The following MEGF10 variants were observed in gnomAD, a reference collection of about 807,000 sequenced individuals.
The protein encoded by MEGF10 is multiple EGF like domains 10.
A neutral mutation model predicts 147.5 loss-of-function variants in MEGF10; 86 were observed. That is an observed-to-expected ratio of 0.58 (90% CI 0.49 to 0.70). The LOEUF is 0.70. MEGF10 is among the 30% of genes least tolerant of loss of function. The pLI, the probability that MEGF10 is intolerant of heterozygous loss-of-function variation, is 0.00. For synonymous variants in MEGF10, 478 were observed against 525.5 expected, an observed-to-expected ratio of 0.91 and a Z score of 1.24; for missense variants, 1,329 against 1,487.3, an observed-to-expected ratio of 0.89 and a Z score of 1.75.
Position 127,373,313 on chromosome 5 carries a change from G to A in MEGF10, c.412+3311G>A, listed in dbSNP as rs556981498. 2.8e-4 allele frequency among the ~76,000 whole-genome samples: 43 copies of A among 152,124 alleles called. No homozygotes were observed. The South Asian group carries it at 7.1e-3, about 25-fold the overall frequency. On this transcript the variant is annotated intron_variant, in intron 5 of 24. Transcript: ENST00000503335. ...CTTACAGGCATGTGCCACCACACCT[G>A]GCTAATTTTTGTATTTTTAGCAGAG...
chr5:127,329,029 TA>T (rs1761149289), intron 1 of MEGF10, among the ~76,000 whole-genome samples: 1 of 152,204 alleles, frequency 6.6e-6, no homozygotes, highest in Non-Finnish European at 1.5e-5. Flanking sequence ...ATAATTCACA[TA>T]AATGGCTCAG....
chr5:127,410,742 G>A lies in MEGF10; in HGVS notation c.1130+141G>A, dbSNP rs3851469. 133,102 of 707,654 alleles carry A rather than the reference G, an allele frequency of 0.19. 13,588 individuals carry two copies. Among genetic ancestry groups the A allele is most frequent in the African/African-American group, 0.33 (18,371 of 56,186 alleles). 43.8% of individuals were successfully genotyped at this position (707,654 alleles called of 1,614,324 possible). On this transcript the variant is annotated intron_variant, in intron 9 of 24. Coordinates refer to ENST00000503335, the MANE Select transcript of MEGF10 (RefSeq NM_001256545.2). ...TAGGCTACTCTGGGCAGGAATCGCCGAGTAAAAGGAAGACATTTTAACTTA... is the reference window on the plus strand; with the variant it reads ...TAGGCTACTCTGGGCAGGAATCGCCAAGTAAAAGGAAGACATTTTAACTTA...
intron 4 of MEGF10, among the ~76,000 whole-genome samples, chr5:127,345,802 T>C (rs796983289): frequency 2.0e-5 from 3 of 152,254 alleles, no homozygotes; most frequent in African/African-American, 7.2e-5. Flanking sequence ...ATCAACCGAG[T>C]AATGTACACT....
chr5:127,440,161 C>T (rs1455288386), intron 17 of MEGF10, among the ~76,000 whole-genome samples: 1 of 152,172 alleles, frequency 6.6e-6, no homozygotes, highest in Non-Finnish European at 1.5e-5. Context: ...GAAAATCATG[C>T]AGCAGTGTGA....
At chr5:127,247,216 A>G in the MEGF10 span, among the ~76,000 whole-genome samples, 1 of 143,856 alleles carries the variant, frequency 7.0e-6, no homozygotes, top group Non-Finnish European at 1.5e-5. Context: ...AAATGAGACC[A>G]TTAGAGGAGA....
At chr5:127,312,524 T>C (rs1432838947) in intron 1 of MEGF10, among the ~76,000 whole-genome samples, 1 of 152,212 alleles carries the variant, frequency 6.6e-6, no homozygotes, top group Non-Finnish European at 1.5e-5. Context: ...GAGTTTTGAA[T>C]TGGGCATACT....
At chr5:127,329,689 A>G (rs537806805) in intron 1 of MEGF10, among the ~76,000 whole-genome samples, 1 of 152,084 alleles carries the variant, frequency 6.6e-6, no homozygotes, top group East Asian at 1.9e-4. Flanking sequence ...TGCTTTGCTC[A>G]AATAATCTGG....
At chr5:127,247,317 A>AGAGAG in the MEGF10 span, among the ~76,000 whole-genome samples, 2 of 103,090 alleles carry the variant, frequency 1.9e-5, no homozygotes, top group South Asian at 3.2e-4. Context: ...AGAGAAAGAG[A>AGAGAG]GAGAAGAAGA....
At chr5:127,297,441 A>G (rs543448339) in intron 1 of MEGF10, among the ~76,000 whole-genome samples, 2 of 149,472 alleles carry the variant, frequency 1.3e-5, no homozygotes, top group African/African-American at 4.9e-5. Flanking sequence ...CTCAACAATT[A>G]AAAAAAAAAC....
chr5:127,412,826 G>C (rs1380400645), intron 9 of MEGF10, among the ~76,000 whole-genome samples: 3 of 152,170 alleles, frequency 2.0e-5, no homozygotes, highest in African/African-American at 7.2e-5. Context: ...GTGTTCAGCT[G>C]GCAGATCAAC....
At chr5:127,283,850 C>T in the MEGF10 span, among the ~76,000 whole-genome samples, 1,299 of 152,186 alleles carry the variant, frequency 8.5e-3, 17 homozygotes, top group African/African-American at 0.029. Context: ...AGAATTTGTT[C>T]ATAATGAAAA....
chr5:127,434,544 C>G (rs929041235), intron 14 of MEGF10, 143 bp from the exon 15 acceptor site: 1 of 899,008 alleles, frequency 1.1e-6, no homozygotes, highest in Admixed American at 3.5e-5. Flanking sequence ...TTCTTGTTTT[C>G]TACTTGGAAA....
chr5:127,340,972 G>A (rs984316525), intron 4 of MEGF10, among the ~76,000 whole-genome samples: 1 of 152,142 alleles, frequency 6.6e-6, no homozygotes, highest in African/African-American at 2.4e-5. Context: ...AGAGAACAGA[G>A]ACCTAACTTT....
chr5:127,350,243 T>C (rs1762039516), intron 4 of MEGF10, among the ~76,000 whole-genome samples: 1 of 152,120 alleles, frequency 6.6e-6, no homozygotes, highest in Admixed American at 6.5e-5. Flanking sequence ...ATCAGCAATC[T>C]CTAGACACTT....
In MEGF10 at chr5:127,398,815, T is replaced by TCCTCTG; in HGVS notation, c.780+22_780+27dup. 6.2e-7 allele frequency: 1 copy of TCCTCTG among 1,613,026 alleles called. No individual in the cohort carries two copies. The highest frequency in any genetic ancestry group is 1.1e-5 in the South Asian group (1 of 91,012). On this transcript the variant is annotated intron_variant, in intron 7 of 24. Transcript: ENST00000503335. ...CTGGATGGTAAGCTTCCTTCCCACC[T>TCCTCTG]CCTCTGCCCCTGCCCCAAAGTCACC...
intron 6 of MEGF10, among the ~76,000 whole-genome samples, 164 bp downstream of exon 6, chr5:127,396,942 C>T (rs1763939613): frequency 1.3e-5 from 2 of 152,216 alleles, no homozygotes; most frequent in Non-Finnish European, 2.9e-5. Flanking sequence ...GTGATGGCCA[C>T]TAGGTGCTGC....
chr5:127,420,121 C>G lies in MEGF10; in HGVS notation c.1504C>G (p.Leu502Val), dbSNP rs192423693. 1 of 1,614,214 alleles carries G rather than the reference C, an allele frequency of 6.2e-7. No homozygotes were observed. Among genetic ancestry groups the G allele is most frequent in the Non-Finnish European group, 8.5e-7 (1 of 1,180,038 alleles). Residue 502 changes from leucine to valine, a missense_variant, in exon 12 of 25, where the codon CTC (leucine) becomes GTC (valine). Leu to Val is a conservative substitution (Grantham distance 32). Coordinates refer to ENST00000503335, the MANE Select transcript of MEGF10 (RefSeq NM_001256545.2). Reference protein sequence around the residue: ...GFGCNLTCQCLNGGACNTLDG... With the variant: ...GFGCNLTCQCVNGGACNTLDG... ...TGGCTGTAACTTAACATGCCAGTGC[C>G]TCAACGGGGGAGCCTGCAACACCCT... is the stretch of plus-strand genomic sequence containing the variant.
intron 4 of MEGF10, among the ~76,000 whole-genome samples, chr5:127,344,444 A>G (rs1761797971): frequency 6.6e-6 from 1 of 152,160 alleles, no homozygotes; most frequent in African/African-American, 2.4e-5. Flanking sequence ...TCAATCGGTG[A>G]TGAGTGGAGG....
chr5:127,414,329 C>T (rs1435164394), intron 9 of MEGF10, among the ~76,000 whole-genome samples: 2 of 151,956 alleles, frequency 1.3e-5, no homozygotes, highest in African/African-American at 4.8e-5. Context: ...TTTACCCTTT[C>T]TAGGCCTCTA....
Sources: gnomAD v4.1 joint callset for allele counts (sites outside exome capture counted in the v4.1 genomes callset) on GRCh38, gnomAD v4.1.1 for gene constraint, MANE v1.5 for transcripts, NCBI Gene and HGNC (gene_info 2026-07-23, HGNC 2026-07-21) for gene names.